Variants in NTAN1 observed in about 807,000 individuals in gnomAD.
NTAN1 encodes N-terminal asparagine amidase, also known as protein N-terminal asparagine amidohydrolase.
NTAN1 carries 32 observed loss-of-function variants against 41.9 expected under a neutral mutation model. The ratio of observed to expected loss-of-function variants is 0.76; its 90% CI spans 0.58 to 1.03. NTAN1 has a LOEUF of 1.03. Among genes scored for constraint, NTAN1 ranks in the 50% least tolerant of loss-of-function variants. The pLI, the probability that NTAN1 is intolerant of heterozygous loss-of-function variation, is 0.00. For synonymous variants in NTAN1, 140 were observed against 139.5 expected (o/e 1.00, Z -0.03); for missense variants, 377 against 377.5 (o/e 1.00, Z 0.01).
At position 15,042,701 on chromosome 16, in the gene NTAN1, C is replaced by A. The variant is rs187295309; in HGVS notation, c.434-1025G>T. Among the ~76,000 whole-genome samples the A allele has an allele frequency of 2.2e-3, 317 of 143,534 alleles. 2 individuals are homozygous for A. The highest frequency in any genetic ancestry group is 7.6e-3 in the African/African-American group (302 of 39,586). 94.2% of individuals were successfully genotyped at this position (143,534 alleles called of 152,430 possible). ...GCATATATTTCCACAAGGGGAATTA[C>A]TGGGTCAAAGGATGAACTATTTATT... On this transcript the variant is annotated intron_variant, in intron 5 of 9. Transcript: ENST00000287706.
intron 1 of NTAN1, among the ~76,000 whole-genome samples, chr16:15,049,791 G>T (rs1397084652): frequency 6.6e-6 from 1 of 152,148 alleles, no homozygotes; most frequent in Non-Finnish European, 1.5e-5. Flanking sequence ...ATTGGGCACA[G>T]AACCAAGTCA....
intron 1 of NTAN1, 109 bp downstream of exon 1, chr16:15,055,782 T>C: frequency 1.8e-6 from 1 of 549,194 alleles, no homozygotes. Flanking sequence ...GGGCTCCGGA[T>C]GTGCCAACAG....
At chr16:15,038,257 C>CCCTGCTGTGATAA (rs1295092020) in intron 9 of NTAN1, 47 bp from the exon 10 acceptor site, 1 of 1,327,930 alleles carries the variant, frequency 7.5e-7, no homozygotes, top group African/African-American at 1.5e-5. Context: ...CCTTACTGTC[C>CCCTGCTGTGATAA]CCTGCTGTGA....
At chr16:15,044,158 G>A (rs367983768) in intron 5 of NTAN1, among the ~76,000 whole-genome samples, 176 bp downstream of exon 5, 7 of 152,080 alleles carry the variant, frequency 4.6e-5, no homozygotes, top group African/African-American at 1.2e-4. Context: ...CCCTACACAT[G>A]AGCTCCACGC....
intron 1 of NTAN1, among the ~76,000 whole-genome samples, chr16:15,054,348 C>T (rs2044415737): frequency 6.6e-6 from 1 of 152,218 alleles, no homozygotes; most frequent in Admixed American, 6.5e-5. Flanking sequence ...GAAGCAGCCC[C>T]GGTATGTCAC....
At chr16:15,042,200 T>C (rs2043847688) in intron 5 of NTAN1, among the ~76,000 whole-genome samples, 1 of 151,060 alleles carries the variant, frequency 6.6e-6, no homozygotes, top group Non-Finnish European at 1.5e-5. Flanking sequence ...TTTTTTTTTT[T>C]TTTGAGATGG....
chr16:15,039,905 T>G (rs1305715412), intron 8 of NTAN1, 64 bp downstream of exon 8: 1 of 915,638 alleles, frequency 1.1e-6, no homozygotes, highest in Non-Finnish European at 1.7e-6. Flanking sequence ...CCCAAAAACT[T>G]AAGGCCTTGA....
At chr16:15,040,969 G>A (rs978906112) in intron 7 of NTAN1, 99 bp downstream of exon 7, 25 of 840,158 alleles carry the variant, frequency 3.0e-5, no homozygotes, top group Middle Eastern at 2.2e-4. Context: ...ACCCAAAGCT[G>A]TCCCATCCTG....
chr16:15,056,007 G>A lies in NTAN1; in HGVS notation c.-36C>T, dbSNP rs1258751180. 3 of 1,138,952 alleles carry A rather than the reference G, an allele frequency of 2.6e-6. No homozygotes were observed. The highest frequency in any genetic ancestry group is 3.3e-6 in the Non-Finnish European group (3 of 915,070). The allele number at this position is 1,138,952 out of a possible 1,614,324, so 70.6% of individuals were successfully genotyped here. A position where few individuals can be genotyped will look rare whatever the true frequency, so the allele number is the denominator to read the frequency against. ...GCCGCCCAGGCAGGCCCAGGGAGGC[G>A]GCGGCCCCCCGCTTTGCAGCCCCGG... On this transcript the variant is annotated 5_prime_UTR_variant, in exon 1 of 10. Transcript: ENST00000287706.
intron 1 of NTAN1, among the ~76,000 whole-genome samples, chr16:15,049,301 T>A (rs1259283084): frequency 1.3e-5 from 2 of 152,126 alleles, no homozygotes; most frequent in Non-Finnish European, 2.9e-5. Flanking sequence ...AGTGCTGGGA[T>A]TACATGCATA....
In NTAN1 at chr16:15,041,137, G is replaced by GT. The variant is rs751911586; in HGVS notation, c.488-17dup. 1.5e-5 allele frequency: 22 copies of GT among 1,461,530 alleles called. No individual in the cohort carries two copies. The South Asian group carries it at 2.4e-4, about 16-fold the overall frequency. 90.5% of individuals were successfully genotyped at this position (1,461,530 alleles called of 1,614,324 possible). ...TCATTTAATTCTACAAAATAAGAAT[G>GT]TTTAAGATACACTTTTTAAAGAAAT... is the stretch of plus-strand genomic sequence containing the variant. On this transcript the variant is annotated splice_polypyrimidine_tract_variant and intron_variant, in intron 6 of 9. Coordinates refer to ENST00000287706, the MANE Select transcript of NTAN1 (RefSeq NM_173474.4).
intron 1 of NTAN1, among the ~76,000 whole-genome samples, chr16:15,053,121 AATTG>A (rs1402182766): frequency 1.3e-5 from 2 of 152,186 alleles, no homozygotes; most frequent in Non-Finnish European, 1.5e-5. Flanking sequence ...ATCTAATTTT[AATTG>A]ATTTTTAAGT....
Position 15,037,991 on chromosome 16 carries a change from G to A in NTAN1, c.*40C>T, listed in dbSNP as rs374623964. 9 of 1,525,310 alleles carry A rather than the reference G, an allele frequency of 5.9e-6. No individual in the cohort carries two copies. In the African/African-American group the frequency reaches 8.2e-5, roughly 14 times the overall value. The allele number at this position is 1,525,310 out of a possible 1,614,324, so 94.5% of individuals were successfully genotyped here. On this transcript the variant is annotated 3_prime_UTR_variant, in exon 10 of 10. Coordinates refer to ENST00000287706, the MANE Select transcript of NTAN1 (RefSeq NM_173474.4). ...TTCGTGCCAGCCCCACCAATGGTCT[G>A]TCAGGCCAAGAAGGTGCTTTCTTTG... is the stretch of plus-strand genomic sequence containing the variant.
intron 4 of NTAN1, among the ~76,000 whole-genome samples, chr16:15,046,760 AG>A: frequency 6.8e-6 from 1 of 147,984 alleles, no homozygotes; most frequent in African/African-American, 2.5e-5. Context: ...CTGTGGTCCC[AG>A]CTACTTGGGA....
chr16:15,049,587 C>T (rs1266358494), intron 1 of NTAN1, among the ~76,000 whole-genome samples: 1 of 152,104 alleles, frequency 6.6e-6, no homozygotes, highest in East Asian at 1.9e-4. Context: ...CGCCACCATG[C>T]CCAGCTTTTC....
intron 1 of NTAN1, among the ~76,000 whole-genome samples, chr16:15,052,604 C>T (rs1041679315): frequency 6.6e-6 from 1 of 152,172 alleles, no homozygotes; most frequent in African/African-American, 2.4e-5. Flanking sequence ...GAGGCCGAGG[C>T]GAGATGATCG....
chr16:15,051,130 G>C (rs1227528883), intron 1 of NTAN1, among the ~76,000 whole-genome samples: 1 of 152,226 alleles, frequency 6.6e-6, no homozygotes, highest in East Asian at 1.9e-4. Flanking sequence ...TTTGAGGGAA[G>C]GGAAGAGAAG....
intron 1 of NTAN1, 61 bp from the exon 2 acceptor site, chr16:15,048,160 G>T: frequency 8.1e-7 from 1 of 1,231,588 alleles, no homozygotes; most frequent in Non-Finnish European, 1.2e-6. Context: ...AAAAACTAAA[G>T]ATGTGGAGAG....
At chr16:15,042,835 C>T (rs182691237) in intron 5 of NTAN1, among the ~76,000 whole-genome samples, 4 of 151,906 alleles carry the variant, frequency 2.6e-5, no homozygotes, top group East Asian at 3.9e-4. Context: ...TAGATTCAAG[C>T]GATTCTCCTG....
Sources: allele counts gnomAD v4.1 joint callset (sites outside exome capture counted in the v4.1 genomes callset), GRCh38; gene constraint gnomAD v4.1.1; transcripts MANE v1.5; gene names NCBI Gene and HGNC (gene_info 2026-07-23, HGNC 2026-07-21).